CEP43: variants seen among roughly 807,000 people sequenced by gnomAD.
CEP43 encodes the protein FGFR1 oncogene partner.
In CEP43, 36 loss-of-function variants were observed where a neutral mutation model predicts 52.6. That is an observed-to-expected ratio of 0.68 (90% CI 0.52 to 0.90). CEP43 has a LOEUF of 0.90. Among genes scored for constraint, CEP43 ranks in the 40% least tolerant of loss-of-function variants. The pLI is 0.00. For missense variants in CEP43, 506 were observed against 472.8 expected, an observed-to-expected ratio of 1.07 and a Z score of -0.65; for synonymous variants, 192 against 172.4, an observed-to-expected ratio of 1.11 and a Z score of -0.89.
At chr6:167,007,876 C>A (rs1385265228) in intron 5 of CEP43, among the ~76,000 whole-genome samples, 1 of 152,192 alleles carries the variant, frequency 6.6e-6, no homozygotes, top group African/African-American at 2.4e-5. Context: ...GGATCATTTT[C>A]ATCTCCTTCA....
chr6:167,003,408 A>G (rs889264111), intron 3 of CEP43, 161 bp downstream of exon 3: 14 of 511,762 alleles, frequency 2.7e-5, no homozygotes, highest in African/African-American at 2.6e-4. Context: ...TGTTGCTATT[A>G]CATATTTTTG....
chr6:166,999,788 C>A, intron 1 of CEP43: 1 of 529,000 alleles, frequency 1.9e-6, no homozygotes, highest in Non-Finnish European at 3.3e-6. Flanking sequence ...GCTTGGGGGC[C>A]ACACGGGCGG....
Position 167,039,917 on chromosome 6 carries a change from C to T in CEP43, c.1139C>T (p.Thr380Ile). The change falls in exon 13 of 13, where the codon ACA (threonine) becomes ATA (isoleucine). Residue 380 changes from threonine (T) to isoleucine (I), a missense_variant. Physicochemically the swap from Thr to Ile is moderately conservative, Grantham distance 89 (BLOSUM62 -1). Transcript: ENST00000366847. The stretch of plus-strand genomic sequence containing the variant: ...TGAACAACAAAGCTTGATGACCTCA[C>T]ACAAGATCTGACTGTATCCCAGCTC... The part of the protein sequence containing the change: ...INTSDKLDDL[T>I]QDLTVSQLSD... The T allele has an allele frequency of 6.2e-7, 1 of 1,613,524 alleles. No homozygotes were observed. The highest frequency in any genetic ancestry group is 8.5e-7 in the Non-Finnish European group (1 of 1,179,506).
intron 10 of CEP43, among the ~76,000 whole-genome samples, chr6:167,031,067 A>G (rs1268398590): frequency 6.6e-6 from 1 of 152,108 alleles, no homozygotes; most frequent in Non-Finnish European, 1.5e-5. Context: ...ACAGTATTTT[A>G]AAAATTAAAA....
Position 166,999,485 on chromosome 6 carries a change from G to T in CEP43, c.73G>T (p.Glu25Ter). 1 of 1,484,102 alleles carries T rather than the reference G, an allele frequency of 6.7e-7. No individual in the cohort carries two copies. Among genetic ancestry groups the T allele is most frequent in the Non-Finnish European group, 9.0e-7 (1 of 1,115,180 alleles). 91.9% of individuals were successfully genotyped at this position (1,484,102 alleles called of 1,614,324 possible). Reference sequence around the variant, plus strand: ...GCGGGACCTGCTGGTGCAGACGCTGGAGAACAGCGGGGTCCTGAACCGCAT... The same window carrying T: ...GCGGGACCTGCTGGTGCAGACGCTGTAGAACAGCGGGGTCCTGAACCGCAT... ...ELRDLLVQTL[E>*]NSGVLNRIKA... The change falls in exon 1 of 13, where the codon GAG becomes TAG. Residue 25 changes from glutamate (E) to a stop codon, truncating the protein, a stop_gained. Coordinates refer to ENST00000366847, the MANE Select transcript of CEP43 (RefSeq NM_007045.4). LOFTEE classifies it high-confidence loss of function.
At chr6:167,002,000 C>T (rs1779747321) in intron 2 of CEP43, among the ~76,000 whole-genome samples, 4 of 152,196 alleles carry the variant, frequency 2.6e-5, no homozygotes, top group Admixed American at 2.6e-4. Context: ...TTGAGGATCT[C>T]TCCTCTCCTT....
At chr6:167,030,488 C>T (rs533867678) in intron 10 of CEP43, among the ~76,000 whole-genome samples, 28 of 152,230 alleles carry the variant, frequency 1.8e-4, no homozygotes, top group African/African-American at 2.9e-4. Context: ...GAGACGAGCT[C>T]TTGATTCTCA....
chr6:167,021,188 C>G (rs111662701), intron 7 of CEP43, among the ~76,000 whole-genome samples: 8 of 151,980 alleles, frequency 5.3e-5, no homozygotes, highest in Non-Finnish European at 1.2e-4. Flanking sequence ...CAATACTGCT[C>G]TCTTTAGTAT....
At chr6:167,028,759 G>T (rs1248289458) in intron 10 of CEP43, among the ~76,000 whole-genome samples, 1 of 152,104 alleles carries the variant, frequency 6.6e-6, no homozygotes, top group Non-Finnish European at 1.5e-5. Context: ...TTAGAGTCCT[G>T]ATGCATCACA....
At chr6:167,018,574 A>G (rs543827191) in intron 7 of CEP43, among the ~76,000 whole-genome samples, 28 of 152,264 alleles carry the variant, frequency 1.8e-4, no homozygotes, top group African/African-American at 6.3e-4. Flanking sequence ...TATTTTTAGT[A>G]GAGACGGGGT....
In CEP43 at chr6:167,040,749, TAA is replaced by T; in HGVS notation, c.*773_*774del. 4 of 1,012,112 alleles carry T rather than the reference TAA, an allele frequency of 4.0e-6. No homozygotes were observed. The highest frequency in any genetic ancestry group is 4.8e-6 in the Non-Finnish European group (4 of 841,892). 62.7% of individuals were successfully genotyped at this position (1,012,112 alleles called of 1,614,324 possible). ...TTATCTGTAAAGATTCCTTGAAACTTAAATGCATCTGAAACCATTAAGCAGTG... is the reference window on the plus strand; with the variant it reads ...TTATCTGTAAAGATTCCTTGAAACTTATGCATCTGAAACCATTAAGCAGTG... On this transcript the variant is annotated 3_prime_UTR_variant, in exon 13 of 13. Coordinates refer to ENST00000366847, the MANE Select transcript of CEP43 (RefSeq NM_007045.4).
chr6:167,017,604 G>A (rs1780132937), intron 7 of CEP43, among the ~76,000 whole-genome samples: 1 of 148,492 alleles, frequency 6.7e-6, no homozygotes, highest in Non-Finnish European at 1.5e-5. Context: ...TTTTTTTCAG[G>A]TTCTTAAGTC....
Position 167,041,241 on chromosome 6 carries a change from A to G in CEP43, c.*1263A>G, listed in dbSNP as rs1780688297. On this transcript the variant is annotated 3_prime_UTR_variant, in exon 13 of 13. Transcript: ENST00000366847. The stretch of plus-strand genomic sequence containing the variant: ...CATTTCATATTAGCCTAAATATTAC[A>G]GAAATTACTCCTTGGGCTCTAAAAT... The G allele has an allele frequency of 9.5e-6, 10 of 1,047,944 alleles. No individual in the cohort carries two copies. The highest frequency in any genetic ancestry group is 1.0e-5 in the Non-Finnish European group (9 of 868,508). The allele number at this position is 1,047,944 out of a possible 1,614,324, so 64.9% of individuals were successfully genotyped here.
rs185255545 is a variant in CEP43, at chr6:167,032,684, T to C, written c.1028+42T>C. On this transcript the variant is annotated intron_variant, in intron 11 of 12. Transcript: ENST00000366847. ...GGCAAATATATAAATATATACGTTATTTGTAAACAATTTCCGAACACAGAC... is the reference window on the plus strand; with the variant it reads ...GGCAAATATATAAATATATACGTTACTTGTAAACAATTTCCGAACACAGAC... 8.6e-5 allele frequency: 128 copies of C among 1,479,886 alleles called. No individual in the cohort carries two copies. In the Admixed American group the frequency reaches 1.4e-3, roughly 16 times the overall value. The allele number at this position is 1,479,886 out of a possible 1,614,324, so 91.7% of individuals were successfully genotyped here. A position where few individuals can be genotyped will look rare whatever the true frequency, so the allele number is the denominator to read the frequency against.
chr6:167,022,294 AC>A, intron 7 of CEP43, 114 bp from the exon 8 acceptor site: 1 of 681,340 alleles, frequency 1.5e-6, no homozygotes, highest in South Asian at 1.9e-5. Flanking sequence ...ACACACACAC[AC>A]AAAGGTTGCA....
At position 167,042,814 on chromosome 6, in the gene CEP43, T is replaced by TTTTGTGTGTGTGTG. The variant is rs1491238002; in HGVS notation, c.*2837_*2838insTTGTGTGTGTGTGT. Reference sequence around the variant, plus strand: ...ATACTCTGAAATGGTCTTGCTTATTTTGTGTGTGTGTGTGTGTGTGTGTGT... The same window carrying TTTTGTGTGTGTGTG: ...ATACTCTGAAATGGTCTTGCTTATTTTTTGTGTGTGTGTGTGTGTGTGTGTGTGTGTGTGTGTGT... On this transcript the variant is annotated 3_prime_UTR_variant, in exon 13 of 13. Coordinates refer to ENST00000366847, the MANE Select transcript of CEP43 (RefSeq NM_007045.4). The TTTTGTGTGTGTGTG allele has an allele frequency of 7.3e-6, 1 of 137,796 alleles. No homozygotes were observed. The highest frequency in any genetic ancestry group is 2.7e-5 in the African/African-American group (1 of 37,350). The allele number at this position is 137,796 out of a possible 1,614,324, so 8.5% of individuals were successfully genotyped here.
At chr6:167,036,771 A>G in intron 12 of CEP43, 7 of 985,012 alleles carry the variant, frequency 7.1e-6, no homozygotes, top group Non-Finnish European at 8.4e-6. Flanking sequence ...TCTAAAACTA[A>G]GGAGGCATGA....
At chr6:167,026,645 C>T (rs376639748) in intron 10 of CEP43, 30 bp downstream of exon 10, 4 of 1,338,808 alleles carry the variant, frequency 3.0e-6, no homozygotes, top group Non-Finnish European at 4.3e-6. Context: ...TTGTGCTGAT[C>T]GTTTTAAAGT....
chr6:167,029,959 C>G (rs1213209315), intron 10 of CEP43, among the ~76,000 whole-genome samples: 1 of 152,186 alleles, frequency 6.6e-6, no homozygotes, highest in African/African-American at 2.4e-5. Context: ...AAAGAACCTT[C>G]TTAAGGGTGG....
Sources: allele counts gnomAD v4.1 joint callset (sites outside exome capture counted in the v4.1 genomes callset), GRCh38; gene constraint gnomAD v4.1.1; transcripts MANE v1.5; gene names NCBI Gene and HGNC (gene_info 2026-07-23, HGNC 2026-07-21).